The following SLCO3A1 variants were observed in gnomAD, a reference collection of about 807,000 sequenced individuals.
SLCO3A1 encodes the protein PGE1 transporter.
A neutral mutation model predicts 63.1 loss-of-function variants in SLCO3A1; 27 were observed. The ratio of observed to expected loss-of-function variants is 0.43; its 90% CI spans 0.32 to 0.59. The LOEUF (loss-of-function observed/expected upper bound fraction) is 0.59, where lower values mean the gene tolerates loss of function less well. Ranked by LOEUF, SLCO3A1 falls within the 20% of genes least tolerant of loss-of-function variation. SLCO3A1 has a pLI of 0.09. For missense variants in SLCO3A1, 773 were observed against 945.8 expected (o/e 0.82, Z 2.40); for synonymous variants, 473 against 409.9 (o/e 1.15, Z -1.86).
intron 2 of SLCO3A1, among the ~76,000 whole-genome samples, chr15:91,972,432 A>G (rs1338281567): frequency 6.6e-6 from 1 of 152,160 alleles, no homozygotes; most frequent in African/African-American, 2.4e-5. Flanking sequence ...CGCCCTCTCC[A>G]TGACGTGAGG....
chr15:91,929,583 C>T lies in SLCO3A1; in HGVS notation c.646+13125C>T, dbSNP rs1366358496. ...TATTCATACAGGTCACCATCTTAAC[C>T]ATTTTCAGCTGTACAGTTTGATAGT... On this transcript the variant is annotated intron_variant, in intron 2 of 9. Coordinates refer to ENST00000318445, the MANE Select transcript of SLCO3A1 (RefSeq NM_013272.4). Among the ~76,000 whole-genome samples, 3 of 152,092 alleles carry T rather than the reference C, an allele frequency of 2.0e-5. No individual in the cohort carries two copies. In the East Asian group the frequency reaches 5.8e-4, roughly 29 times the overall value.
intron 4 of SLCO3A1, among the ~76,000 whole-genome samples, chr15:92,116,527 G>A (rs559121751): frequency 8.5e-5 from 13 of 152,296 alleles, no homozygotes; most frequent in Non-Finnish European, 5.9e-5. Context: ...ATCGGTAGGC[G>A]GGGGGTACAT....
At chr15:91,953,513 TTGTCAGGCAGACCGGGTG>T (rs1159214832) in intron 2 of SLCO3A1, among the ~76,000 whole-genome samples, 1 of 152,056 alleles carries the variant, frequency 6.6e-6, no homozygotes, top group Non-Finnish European at 1.5e-5. Flanking sequence ...GAGTAGGTGT[TTGTCAGGCAGACCGGGTG>T]TGCCAGGCAG....
At chr15:91,866,930 A>G (rs1001937589) in intron 1 of SLCO3A1, among the ~76,000 whole-genome samples, 5 of 152,110 alleles carry the variant, frequency 3.3e-5, no homozygotes, top group African/African-American at 7.2e-5. Flanking sequence ...AATTTTCTCA[A>G]CCTTGGTTGG....
intron 2 of SLCO3A1, among the ~76,000 whole-genome samples, chr15:92,026,102 G>A (rs995370759): frequency 1.3e-5 from 2 of 152,168 alleles, no homozygotes; most frequent in Non-Finnish European, 2.9e-5. Context: ...ACGTGTCCAA[G>A]CCCGTGTCCA....
chr15:91,863,365 G>A lies in SLCO3A1; in HGVS notation c.180+9277G>A, dbSNP rs754176722. Among the ~76,000 whole-genome samples the A allele has an allele frequency of 1.4e-4, 21 of 152,184 alleles. No homozygotes were observed. Among genetic ancestry groups the A allele is most frequent in the Admixed American group, 5.9e-4 (9 of 15,276 alleles). On this transcript the variant is annotated intron_variant, in intron 1 of 9. Coordinates refer to ENST00000318445, the MANE Select transcript of SLCO3A1 (RefSeq NM_013272.4). The surrounding 1 kb of genome is among the most constrained non-coding windows in gnomAD (Gnocchi z 4.3). The stretch of plus-strand genomic sequence containing the variant: ...CACTGTAGCTTTCAGGGTGGTGGAG[G>A]GCAGGGCCCCCTTAAGGTTGGCTTT...
chr15:92,014,040 A>G (rs1157097892), intron 2 of SLCO3A1, among the ~76,000 whole-genome samples: 3 of 152,100 alleles, frequency 2.0e-5, no homozygotes, highest in African/African-American at 7.2e-5. Flanking sequence ...GGAGGGCACA[A>G]TCTTACCCCC....
At chr15:92,161,453 G>A (rs2048435659) in intron 9 of SLCO3A1, 1 of 152,264 alleles carries the variant, frequency 6.6e-6, no homozygotes. Context: ...ACGGAAGTAA[G>A]GAAGGGGAAC....
At position 91,941,412 on chromosome 15, in the gene SLCO3A1, G is replaced by T; in HGVS notation, c.646+24954G>T. The T allele has an allele frequency of 2.5e-6, 1 of 402,122 alleles. No individual in the cohort carries two copies. The highest frequency in any genetic ancestry group is 1.8e-5 in the South Asian group (1 of 54,616). 24.9% of individuals were successfully genotyped at this position (402,122 alleles called of 1,614,324 possible). On this transcript the variant is annotated intron_variant, in intron 2 of 9. Transcript: ENST00000318445. The surrounding 1 kb of genome is among the most constrained non-coding windows in gnomAD (Gnocchi z 4.4). Reference sequence around the variant, plus strand: ...CTGCCACCCAGCAGATCTGTGTCACGGGAGTGGCGCTGTCACTCGTTGAGG... The same window carrying T: ...CTGCCACCCAGCAGATCTGTGTCACTGGAGTGGCGCTGTCACTCGTTGAGG...
chr15:91,990,019 G>A (rs1331262652), intron 2 of SLCO3A1, among the ~76,000 whole-genome samples: 1 of 152,186 alleles, frequency 6.6e-6, no homozygotes, highest in African/African-American at 2.4e-5. Context: ...CATGAGCTCA[G>A]TCCATGTAGT....
At chr15:92,038,261 G>A (rs554870297) in intron 2 of SLCO3A1, among the ~76,000 whole-genome samples, 558 of 152,266 alleles carry the variant, frequency 3.7e-3, no homozygotes, top group African/African-American at 0.013. Context: ...AATAATGTGT[G>A]TAAAGGCACT....
chr15:92,004,730 A>G (rs896827453), intron 2 of SLCO3A1, among the ~76,000 whole-genome samples: 1 of 152,234 alleles, frequency 6.6e-6, no homozygotes, highest in Non-Finnish European at 1.5e-5. Flanking sequence ...CCCAGAAGCA[A>G]TAGTTGGAGC....
chr15:92,087,629 C>T (rs544000817), intron 2 of SLCO3A1, among the ~76,000 whole-genome samples: 1 of 151,354 alleles, frequency 6.6e-6, no homozygotes, highest in South Asian at 2.1e-4. Flanking sequence ...AGCAATTCTC[C>T]TGCCTCGGCC....
chr15:91,978,283 A>C (rs1229067749), intron 2 of SLCO3A1, among the ~76,000 whole-genome samples: 2 of 152,176 alleles, frequency 1.3e-5, no homozygotes, highest in East Asian at 3.8e-4. Flanking sequence ...ATTATTTCTG[A>C]TTCAGACATT....
In SLCO3A1 at chr15:91,916,031, G is replaced by T. The variant is rs750114133; in HGVS notation, c.219G>T (p.Leu73=). The change falls in exon 2 of 10, where the codon CTG becomes CTT. Residue 73 remains leucine (L), a synonymous_variant. Coordinates refer to ENST00000318445, the MANE Select transcript of SLCO3A1 (RefSeq NM_013272.4). This position sits in a 1 kb window ranked among gnomAD's most constrained non-coding sequence, Gnocchi z 6.2. ...CCACCCTGGAGCGTAGGTTCAACCT[G>T]CAGAGCGCTGACGTGGGTGTGATCG... ...VLTTLERRFN[L]QSADVGVIAS... The T allele has an allele frequency of 1.2e-6, 2 of 1,613,390 alleles. No individual in the cohort carries two copies. Among genetic ancestry groups the T allele is most frequent in the East Asian group, 2.2e-5 (1 of 44,854 alleles).
intron 2 of SLCO3A1, among the ~76,000 whole-genome samples, chr15:92,081,202 A>T (rs4984334): frequency 0.073 from 11,130 of 151,992 alleles, 869 homozygotes; most frequent in East Asian, 0.26. Context: ...CATCCTGTCT[A>T]TATTTTTGCA....
rs181859696 is a variant in SLCO3A1, at chr15:92,043,336, T to C, written c.647-51545T>C. 1.4e-4 allele frequency among the ~76,000 whole-genome samples: 22 copies of C among 152,298 alleles called. No individual in the cohort carries two copies. The East Asian group carries it at 4.0e-3, about 28-fold the overall frequency. The stretch of plus-strand genomic sequence containing the variant: ...ACTCTGTCTCTTTAATTGCAGGCCA[T>C]GAAAACAAACAGGGGCCAAACATCC... On this transcript the variant is annotated intron_variant, in intron 2 of 9. Transcript: ENST00000318445.
chr15:91,989,180 A>G (rs1184894975), intron 2 of SLCO3A1, among the ~76,000 whole-genome samples: 1 of 152,086 alleles, frequency 6.6e-6, no homozygotes, highest in African/African-American at 2.4e-5. Context: ...CCTGCCGCAA[A>G]TGTGTGTTCT....
intron 2 of SLCO3A1, among the ~76,000 whole-genome samples, chr15:92,049,213 C>T (rs1299568582): frequency 6.6e-6 from 1 of 152,164 alleles, no homozygotes; most frequent in South Asian, 2.1e-4. Context: ...GGCTTCTCCT[C>T]CTGGCCTCTG....
Sources: allele counts gnomAD v4.1 joint callset (sites outside exome capture counted in the v4.1 genomes callset), GRCh38; gene constraint gnomAD v4.1.1; non-coding constraint Gnocchi (gnomAD v3.1); transcripts MANE v1.5; gene names NCBI Gene and HGNC (gene_info 2026-07-23, HGNC 2026-07-21).